The following CLCN4 variants were observed in gnomAD, a reference collection of about 807,000 sequenced individuals.
CLCN4 encodes the protein H(+)/Cl(-) exchange transporter 4.
Under a neutral mutation model 41.7 loss-of-function variants are expected in CLCN4, and 1 was observed. That is an observed-to-expected ratio of 0.02 (90% CI 0.01 to 0.11). CLCN4 has a LOEUF of 0.11. CLCN4 is among the 10% of genes least tolerant of loss of function. CLCN4 has a pLI of 1.00. For missense variants in CLCN4, 287 were observed against 661.0 expected (o/e 0.43, Z 6.20); for synonymous variants, 277 against 285.8 (o/e 0.97, Z 0.31).
At chrX:10,228,272 A>G (rs1925039433) in intron 12 of CLCN4, among the ~76,000 whole-genome samples, 1 of 105,144 alleles carries the variant, frequency 9.5e-6, no homozygotes, top group South Asian at 4.6e-4. Context: ...AGGAGGTGAG[A>G]CTCTAAGAAG....
Position 10,159,719 on chromosome X carries a change from T to A in CLCN4, c.-12+1168T>A, listed in dbSNP as rs141770280. On this transcript the variant is annotated intron_variant, in intron 2 of 12. Transcript: ENST00000380833. The stretch of plus-strand genomic sequence containing the variant: ...CACCCAGATGTGTTGCTGCAGTAAT[T>A]TAGTAACTTGTTTATTGCAATTTTC... 4.6e-3 allele frequency among the ~76,000 whole-genome samples: 516 copies of A among 111,758 alleles called. 1 individual carries two copies. The highest frequency in any genetic ancestry group is 8.3e-3 in the Non-Finnish European group (441 of 53,132).
chrX:10,184,977 T>C, intron 2 of CLCN4, 45 bp from the exon 3 acceptor site: 2 of 1,092,064 alleles, frequency 1.8e-6, no homozygotes, highest in South Asian at 2.2e-5. Flanking sequence ...TGCATGGCCA[T>C]GGCATGTCCT....
chrX:10,207,996 AG>A (rs1203392783), intron 8 of CLCN4, 48 bp from the exon 9 acceptor site: 1 of 1,081,497 alleles, frequency 9.2e-7, no homozygotes, highest in Non-Finnish European at 1.3e-6. Context: ...CTTGGCTCTG[AG>A]CAGCTCTTTC....
intron 2 of CLCN4, among the ~76,000 whole-genome samples, 174 bp downstream of exon 2, chrX:10,158,725 C>A (rs1035877193): frequency 8.8e-6 from 1 of 113,441 alleles, no homozygotes; most frequent in African/African-American, 3.2e-5. Context: ...GCTGCATGCA[C>A]CCGGCCGGGG....
rs553748504 is a variant in CLCN4 at position 10,207,211 on chromosome X, A to G, written c.843+435A>G. 2.7e-5 allele frequency among the ~76,000 whole-genome samples: 3 copies of G among 112,376 alleles called. No individual in the cohort carries two copies. In the South Asian group the frequency reaches 1.1e-3, roughly 41 times the overall value. On this transcript the variant is annotated intron_variant, in intron 8 of 12. Transcript: ENST00000380833. Reference sequence around the variant, plus strand: ...ACTGGGATTACAGGCGTGAGCCACAATACCCGGCCACCAGCGATAAATTCC... The same window carrying G: ...ACTGGGATTACAGGCGTGAGCCACAGTACCCGGCCACCAGCGATAAATTCC...
chrX:10,220,352 G>A (rs184976200), intron 11 of CLCN4, among the ~76,000 whole-genome samples: 15 of 112,127 alleles, frequency 1.3e-4, no homozygotes, highest in Non-Finnish European at 2.3e-4. Context: ...AGGGCCCTGG[G>A]CTGTTTGGGG....
chrX:10,173,450 C>T (rs1399520654), intron 2 of CLCN4, among the ~76,000 whole-genome samples: 3 of 110,763 alleles, frequency 2.7e-5, no homozygotes, highest in Non-Finnish European at 5.7e-5. Flanking sequence ...TGAATGCTCC[C>T]ACGTGGTTCG....
At chrX:10,188,371 C>T (rs953170640) in intron 4 of CLCN4, among the ~76,000 whole-genome samples, 2 of 112,446 alleles carry the variant, frequency 1.8e-5, no homozygotes, top group African/African-American at 6.5e-5. Context: ...CAGTCAGCAC[C>T]ATGCTAGACA....
At position 10,206,712 on chromosome X, in the gene CLCN4, C is replaced by G; in HGVS notation, c.779C>G (p.Ala260Gly). Residue 260 changes from alanine to glycine, a missense_variant, in exon 8 of 13, where the codon GCG becomes GGG. Physicochemically the swap from Ala to Gly is moderately conservative, Grantham distance 60. Around this residue, in one of 6 missense-constraint regions of CLCN4, gnomAD observed 90 missense variants for 209.8 expected, o/e 0.43. Transcript: ENST00000380833. ...GKRREVLSAA[A>G]AAGVSVAFGA... ...GTTTTGTAGGTGCTTTCAGCTGCAG[C>G]GGCTGCTGGAGTCTCTGTTGCCTTT... is the stretch of plus-strand genomic sequence containing the variant. The G allele has an allele frequency of 8.3e-7, 1 of 1,207,454 alleles. No homozygotes were observed. Among genetic ancestry groups the G allele is most frequent in the South Asian group, 1.8e-5 (1 of 56,176 alleles).
At chrX:10,202,057 A>G (rs1459441712) in intron 6 of CLCN4, among the ~76,000 whole-genome samples, 2 of 111,865 alleles carry the variant, frequency 1.8e-5, no homozygotes, top group Non-Finnish European at 3.8e-5. Context: ...TATAAAGCAC[A>G]TTTAAAGGTG....
At chrX:10,184,324 C>T (rs1342182914) in intron 2 of CLCN4, among the ~76,000 whole-genome samples, 1 of 62,922 alleles carries the variant, frequency 1.6e-5, no homozygotes, top group Non-Finnish European at 2.9e-5. Context: ...TTATGTGTAG[C>T]CCCCCAGATC....
intron 12 of CLCN4, among the ~76,000 whole-genome samples, chrX:10,222,300 C>T (rs144087228): frequency 9.0e-6 from 1 of 111,645 alleles, no homozygotes; most frequent in African/African-American, 3.3e-5. Flanking sequence ...GGGAAGGGGT[C>T]GGCTTGGTCA....
chrX:10,225,562 AGT>A (rs1316854441), intron 12 of CLCN4, among the ~76,000 whole-genome samples: 3 of 112,025 alleles, frequency 2.7e-5, no homozygotes, highest in Admixed American at 1.9e-4. Flanking sequence ...CTCTGATGAT[AGT>A]TTCTTTTGCT....
chrX:10,157,101 G>T lies in CLCN4; in HGVS notation c.-275+1G>T, dbSNP rs1211013189. 6.7e-6 allele frequency: 2 copies of T among 296,774 alleles called. No homozygotes were observed. The highest frequency in any genetic ancestry group is 5.4e-5 in the African/African-American group (2 of 36,772). 24.5% of individuals were successfully genotyped at this position (296,774 alleles called of 1,213,427 possible). ...TTATCTCAGAATCTGAAAGCGGAAG[G>T]TAAGCTGCTTATCACTCAGAAAAAC... On this transcript the variant is annotated splice_donor_variant, in intron 1 of 12. Transcript: ENST00000380833. LOFTEE classifies it low-confidence loss of function (5UTR_SPLICE).
At chrX:10,185,405 G>A (rs1923784853) in intron 3 of CLCN4, among the ~76,000 whole-genome samples, 1 of 111,334 alleles carries the variant, frequency 9.0e-6, no homozygotes, top group Non-Finnish European at 1.9e-5. Flanking sequence ...GAGAGGGAGG[G>A]GACTTTGCAG....
rs764223933 is a variant in CLCN4 at position 10,206,678 on chromosome X, G to C, written c.763-18G>C. Reference sequence around the variant, plus strand: ...CATGGAAGGCCTTGAAGCTTATGTAGAACTATTTGTTTTGTAGGTGCTTTC... The same window carrying C: ...CATGGAAGGCCTTGAAGCTTATGTACAACTATTTGTTTTGTAGGTGCTTTC... On this transcript the variant is annotated intron_variant, in intron 7 of 12. Transcript: ENST00000380833. 6.6e-6 allele frequency: 8 copies of C among 1,203,709 alleles called. No homozygotes were observed. The highest frequency in any genetic ancestry group is 9.0e-6 in the Non-Finnish European group (8 of 890,643).
intron 2 of CLCN4, among the ~76,000 whole-genome samples, chrX:10,178,195 C>G (rs1923582362): frequency 9.0e-6 from 1 of 111,252 alleles, no homozygotes; most frequent in African/African-American, 3.3e-5. Context: ...TGAAAATGTT[C>G]TGGAATTGGA....
chrX:10,196,669 G>A (rs1222750030), intron 5 of CLCN4, among the ~76,000 whole-genome samples: 2 of 109,980 alleles, frequency 1.8e-5, no homozygotes, highest in African/African-American at 6.7e-5. Context: ...AAGGAGACAG[G>A]GATCTTGAAA....
intron 2 of CLCN4, among the ~76,000 whole-genome samples, chrX:10,163,825 C>T (rs1165786535): frequency 8.9e-6 from 1 of 112,174 alleles, no homozygotes; most frequent in African/African-American, 3.2e-5. Context: ...GGGGGCTGTT[C>T]TGGGCAATGT....
Sources: allele counts gnomAD v4.1 joint callset (sites outside exome capture counted in the v4.1 genomes callset), GRCh38; gene constraint gnomAD v4.1.1; regional missense constraint gnomAD v4.1.1; transcripts MANE v1.5; gene names NCBI Gene and HGNC (gene_info 2026-07-23, HGNC 2026-07-21).